Variants in NDST4 observed in about 807,000 individuals in gnomAD.
The protein encoded by NDST4 is N-heparan sulfate sulfotransferase 4.
NDST4 carries 63 observed loss-of-function variants against 100.8 expected under a neutral mutation model. That is an observed-to-expected ratio of 0.62 (90% CI 0.51 to 0.77). NDST4 has a LOEUF of 0.77. Among genes scored for constraint, NDST4 ranks in the 30% least tolerant of loss-of-function variants. NDST4 has a pLI of 0.00. For synonymous variants in NDST4, 377 were observed against 361.8 expected (o/e 1.04, Z -0.48); for missense variants, 943 against 1,018.4 (o/e 0.93, Z 1.01).
At chr4:114,977,375 T>C (rs1409301681) in intron 2 of NDST4, 101 bp from the exon 3 acceptor site, 9 of 649,870 alleles carry the variant, frequency 1.4e-5, no homozygotes, top group Non-Finnish European at 2.4e-5. Context: ...CAAAATGATA[T>C]GAGCTTTCTT....
At chr4:114,906,197 A>C (rs2126212307) in intron 6 of NDST4, among the ~76,000 whole-genome samples, 1 of 152,170 alleles carries the variant, frequency 6.6e-6, no homozygotes, top group Admixed American at 6.5e-5. Context: ...TTAAAAAAAC[A>C]AGGGAGAAAG....
intron 1 of NDST4, among the ~76,000 whole-genome samples, chr4:115,080,701 T>A (rs1729282610): frequency 1.7e-5 from 1 of 58,284 alleles, no homozygotes; most frequent in Non-Finnish European, 2.9e-5. Flanking sequence ...AGTGTGTGTG[T>A]GTGTGTGTAA....
chr4:115,020,326 C>T (rs141345098), intron 2 of NDST4, among the ~76,000 whole-genome samples: 17 of 152,064 alleles, frequency 1.1e-4, no homozygotes, highest in East Asian at 1.9e-4. Flanking sequence ...TATATAGTTG[C>T]GGATAATTTG....
Position 114,984,141 on chromosome 4 carries a change from ACTAT to A in NDST4, c.979-6871_979-6868del, listed in dbSNP as rs763933812. Among the ~76,000 whole-genome samples, 455 of 138,676 alleles carry A rather than the reference ACTAT, an allele frequency of 3.3e-3. 3 individuals carry two copies. The highest frequency in any genetic ancestry group is 0.011 in the African/African-American group (424 of 37,328). 91.0% of individuals were successfully genotyped at this position (138,676 alleles called of 152,430 possible). The stretch of plus-strand genomic sequence containing the variant: ...TTTATAGCAGTGTGAACAAACTAAT[ACTAT>A]TTATTTATTTATTTATTTATTTATT... On this transcript the variant is annotated intron_variant, in intron 2 of 13. Coordinates refer to ENST00000264363, the MANE Select transcript of NDST4 (RefSeq NM_022569.3).
In NDST4 at chr4:114,866,707, T is replaced by C. The variant is rs535469396; in HGVS notation, c.1719+4061A>G. On this transcript the variant is annotated intron_variant, in intron 7 of 13. Coordinates refer to ENST00000264363, the MANE Select transcript of NDST4 (RefSeq NM_022569.3). ...AGTGTCTGCAATTCTGTGTGGTAAG[T>C]GCAGTAATATAATTATAAATAAGTT... Among the ~76,000 whole-genome samples the C allele has an allele frequency of 5.9e-5, 9 of 152,258 alleles. No homozygotes were observed. In the South Asian group the frequency reaches 1.0e-3, roughly 18 times the overall value.
chr4:115,112,091 A>G (rs1729964382), intron 1 of NDST4, among the ~76,000 whole-genome samples: 1 of 151,606 alleles, frequency 6.6e-6, no homozygotes, highest in Non-Finnish European at 1.5e-5. Flanking sequence ...ACACACACAC[A>G]CACGCACACA....
chr4:114,934,290 T>G (rs901431928), intron 6 of NDST4, among the ~76,000 whole-genome samples: 1 of 151,988 alleles, frequency 6.6e-6, no homozygotes, highest in Non-Finnish European at 1.5e-5. Flanking sequence ...ATATGTGAGA[T>G]CTAAAAAAGT....
intron 2 of NDST4, among the ~76,000 whole-genome samples, chr4:115,033,028 G>T (rs1728147376): frequency 6.7e-6 from 1 of 149,712 alleles, no homozygotes; most frequent in African/African-American, 2.5e-5. Flanking sequence ...TTTTATTTTT[G>T]TCTGATTACT....
chr4:114,940,090 G>T (rs746228583), intron 4 of NDST4, among the ~76,000 whole-genome samples: 13 of 152,156 alleles, frequency 8.5e-5, no homozygotes, highest in Non-Finnish European at 1.5e-4. Flanking sequence ...AATATAGGAA[G>T]CACTTGAGAC....
intron 1 of NDST4, among the ~76,000 whole-genome samples, chr4:115,095,725 T>A (rs905886175): frequency 6.6e-6 from 1 of 152,124 alleles, no homozygotes; most frequent in Admixed American, 6.6e-5. Flanking sequence ...AATAAAGATA[T>A]CCATATGGAT....
chr4:114,971,034 C>T (rs907544591), intron 3 of NDST4, among the ~76,000 whole-genome samples: 5 of 151,800 alleles, frequency 3.3e-5, no homozygotes, highest in African/African-American at 1.2e-4. Flanking sequence ...ATACACAAAG[C>T]CCAAAAACAA....
At chr4:114,865,184 C>A (rs570087966) in intron 7 of NDST4, among the ~76,000 whole-genome samples, 22 of 152,168 alleles carry the variant, frequency 1.4e-4, no homozygotes, top group South Asian at 1.2e-3. Flanking sequence ...CCTGCCTCAG[C>A]CTCCCAAGTA....
At chr4:115,045,370 G>A (rs932517506) in intron 2 of NDST4, among the ~76,000 whole-genome samples, 1 of 152,138 alleles carries the variant, frequency 6.6e-6, no homozygotes, top group Non-Finnish European at 1.5e-5. Flanking sequence ...GCTAATTTAA[G>A]TGATCTTTCT....
intron 7 of NDST4, among the ~76,000 whole-genome samples, chr4:114,862,771 G>A (rs1339839632): frequency 1.3e-5 from 2 of 152,026 alleles, no homozygotes; most frequent in Non-Finnish European, 1.5e-5. Context: ...ATGCTTTTTG[G>A]GGGAAGAGGA....
chr4:114,965,768 T>A (rs1184565226), intron 4 of NDST4, among the ~76,000 whole-genome samples: 2 of 151,864 alleles, frequency 1.3e-5, no homozygotes, highest in African/African-American at 4.8e-5. Context: ...ATTTTTAAAC[T>A]TTTTTTTCCA....
intron 1 of NDST4, among the ~76,000 whole-genome samples, chr4:115,113,015 C>T (rs1217528089): frequency 6.6e-6 from 1 of 151,784 alleles, no homozygotes; most frequent in African/African-American, 2.4e-5. Context: ...TTCCCATCTT[C>T]GGTAATTTGA....
intron 2 of NDST4, among the ~76,000 whole-genome samples, chr4:115,023,140 A>G (rs374994930): frequency 1.3e-5 from 2 of 152,112 alleles, no homozygotes; most frequent in African/African-American, 4.8e-5. Context: ...GGTGCAGTGT[A>G]TACTGCTTGG....
At chr4:115,108,452 C>G (rs556995054) in intron 1 of NDST4, among the ~76,000 whole-genome samples, 4 of 152,016 alleles carry the variant, frequency 2.6e-5, no homozygotes, top group Admixed American at 2.6e-4. Flanking sequence ...TTTTCTTCCA[C>G]TAGCATGGCA....
chr4:114,961,306 G>A (rs977228683), intron 4 of NDST4, among the ~76,000 whole-genome samples: 15 of 151,510 alleles, frequency 9.9e-5, no homozygotes, highest in Middle Eastern at 3.4e-3. Flanking sequence ...GAAAAAAAGC[G>A]TATTAAATAT....
Sources: gnomAD v4.1 joint callset for allele counts (sites outside exome capture counted in the v4.1 genomes callset) on GRCh38, gnomAD v4.1.1 for gene constraint, MANE v1.5 for transcripts, NCBI Gene and HGNC (gene_info 2026-07-23, HGNC 2026-07-21) for gene names.